The following SAMD12 variants were observed in gnomAD, a reference collection of about 807,000 sequenced individuals.
SAMD12 encodes the protein sterile alpha motif domain-containing protein 12.
A neutral mutation model predicts 15.0 loss-of-function variants in SAMD12; 9 were observed. The ratio of observed to expected loss-of-function variants is 0.60; its 90% CI spans 0.36 to 1.05. The LOEUF (loss-of-function observed/expected upper bound fraction) is 1.05, where lower values mean the gene tolerates loss of function less well. Among genes scored for constraint, SAMD12 ranks in the 50% least tolerant of loss-of-function variants. The pLI is 0.01. For synonymous variants in SAMD12, 86 were observed against 90.1 expected, an observed-to-expected ratio of 0.96 and a Z score of 0.25; for missense variants, 230 against 234.2, an observed-to-expected ratio of 0.98 and a Z score of 0.12.
downstream of SAMD12, among the ~76,000 whole-genome samples, chr8:118,186,887 G>T (rs1415314022): frequency 6.6e-6 from 1 of 152,122 alleles, no homozygotes; most frequent in Non-Finnish European, 1.5e-5. Context: ...GGGTAGCATA[G>T]ATGGGAAGTA....
At chr8:118,358,912 GTTAGACCAT>G (rs1818357486) in intron 4 of SAMD12, among the ~76,000 whole-genome samples, 2 of 152,096 alleles carry the variant, frequency 1.3e-5, no homozygotes, top group Admixed American at 6.5e-5. Flanking sequence ...CACATCCCAT[GTTAGACCAT>G]TTATAGATAT....
intron 1 of SAMD12, among the ~76,000 whole-genome samples, chr8:118,602,733 G>A (rs1353187375): frequency 6.6e-6 from 1 of 152,118 alleles, no homozygotes; most frequent in African/African-American, 2.4e-5. Flanking sequence ...TTACAATGAA[G>A]ACCATGATCA....
chr8:118,410,847 T>C (rs1163017202), intron 3 of SAMD12, among the ~76,000 whole-genome samples: 4 of 152,176 alleles, frequency 2.6e-5, no homozygotes, highest in African/African-American at 9.7e-5. Flanking sequence ...GGTTCTTTGT[T>C]ATATAGCAAT....
intron 2 of SAMD12, among the ~76,000 whole-genome samples, chr8:118,550,175 G>T (rs548079761): frequency 1.3e-5 from 2 of 152,228 alleles, no homozygotes; most frequent in Admixed American, 6.5e-5. Flanking sequence ...GAAACACAGA[G>T]AACGCCACAA....
chr8:118,593,849 C>T (rs914412413), intron 1 of SAMD12, among the ~76,000 whole-genome samples: 2 of 152,028 alleles, frequency 1.3e-5, no homozygotes, highest in Non-Finnish European at 1.5e-5. Flanking sequence ...TCCAGAATTA[C>T]AAAAAAATAA....
chr8:118,356,050 G>A (rs1818210313), intron 4 of SAMD12, among the ~76,000 whole-genome samples: 1 of 152,192 alleles, frequency 6.6e-6, no homozygotes, highest in Non-Finnish European at 1.5e-5. Context: ...CAAAGAACGT[G>A]TTCTTAGAAG....
intron 4 of SAMD12, among the ~76,000 whole-genome samples, chr8:118,230,406 G>A (rs1231225521): frequency 2.0e-5 from 3 of 152,160 alleles, no homozygotes; most frequent in African/African-American, 4.8e-5. Context: ...ATTTAGGAGA[G>A]CTATTCCAAC....
intron 3 of SAMD12, among the ~76,000 whole-genome samples, chr8:118,408,963 C>G (rs4388478): frequency 6.6e-6 from 1 of 151,844 alleles, no homozygotes; most frequent in Non-Finnish European, 1.5e-5. Context: ...CAGTGGTGCA[C>G]TCTCGGCCCA....
intron 4 of SAMD12, among the ~76,000 whole-genome samples, chr8:118,199,266 T>G (rs1819647043): frequency 6.6e-6 from 1 of 152,214 alleles, no homozygotes; most frequent in African/African-American, 2.4e-5. Flanking sequence ...GCATCATGAT[T>G]GTTTTCACTC....
At chr8:118,213,965 T>C (rs1348655371) in intron 4 of SAMD12, among the ~76,000 whole-genome samples, 2 of 152,168 alleles carry the variant, frequency 1.3e-5, no homozygotes, top group Admixed American at 6.5e-5. Flanking sequence ...CACCCACCTA[T>C]TGACCACACC....
chr8:118,573,894 T>C (rs1419353534), intron 2 of SAMD12, among the ~76,000 whole-genome samples: 9 of 152,212 alleles, frequency 5.9e-5, no homozygotes, highest in Non-Finnish European at 1.3e-4. Context: ...GTAGCAGGCA[T>C]TGATATTGCA....
intron 4 of SAMD12, among the ~76,000 whole-genome samples, chr8:118,275,423 GT>G (rs1191901948): frequency 1.3e-5 from 2 of 152,108 alleles, no homozygotes; most frequent in Non-Finnish European, 2.9e-5. Flanking sequence ...TGGATCCAAG[GT>G]TAATACTGCC....
chr8:118,365,330 C>T (rs184949886), intron 4 of SAMD12, among the ~76,000 whole-genome samples: 131 of 152,216 alleles, frequency 8.6e-4, no homozygotes, highest in Non-Finnish European at 1.7e-3. Context: ...TCTAGGTGTA[C>T]CTGTGTGGGT....
intron 3 of SAMD12, among the ~76,000 whole-genome samples, chr8:118,406,261 ATTTTAT>A (rs1181776175): frequency 1.3e-5 from 2 of 151,320 alleles, no homozygotes; most frequent in East Asian, 1.9e-4. Context: ...CATCTTAACC[ATTTTAT>A]TTTTATTTTT....
intron 4 of SAMD12, among the ~76,000 whole-genome samples, chr8:118,207,929 T>C (rs1586343554): frequency 1.9e-4 from 1 of 5,396 alleles, no homozygotes; most frequent in Non-Finnish European, 1.7e-3. Flanking sequence ...TAAATACTCC[T>C]TTTTTTTTTT....
At chr8:118,497,316 A>G (rs757651867) in intron 2 of SAMD12, among the ~76,000 whole-genome samples, 7 of 152,206 alleles carry the variant, frequency 4.6e-5, no homozygotes, top group Non-Finnish European at 1.0e-4. Context: ...CAAGGAATCA[A>G]CCTAGATGCC....
At chr8:118,308,766 C>T (rs28455892) in intron 4 of SAMD12, among the ~76,000 whole-genome samples, 6,419 of 152,002 alleles carry the variant, frequency 0.042, 167 homozygotes, top group Middle Eastern at 0.071. Context: ...CTCTACTGCA[C>T]AGATGGCAAG....
At chr8:118,319,698 G>T (rs1199079165) in intron 4 of SAMD12, among the ~76,000 whole-genome samples, 2 of 152,194 alleles carry the variant, frequency 1.3e-5, no homozygotes, top group African/African-American at 4.8e-5. Context: ...TATGTGTTCA[G>T]CAGAAGTAGG....
intron 4 of SAMD12, among the ~76,000 whole-genome samples, chr8:118,275,776 A>T (rs983044951): frequency 6.6e-6 from 1 of 152,150 alleles, no homozygotes; most frequent in African/African-American, 2.4e-5. Flanking sequence ...AGTACCCAGC[A>T]TTTAGCTCCC....
Sources: gnomAD v4.1 joint callset for allele counts (sites outside exome capture counted in the v4.1 genomes callset) on GRCh38, gnomAD v4.1.1 for gene constraint, MANE v1.5 for transcripts, NCBI Gene and HGNC (gene_info 2026-07-23, HGNC 2026-07-21) for gene names.